The following CNST variants were observed in gnomAD, a reference collection of about 807,000 sequenced individuals.
CNST encodes the protein consortin.
CNST carries 39 observed loss-of-function variants against 72.4 expected under a neutral mutation model. The observed-to-expected ratio is 0.54, with a 90% CI of 0.42 to 0.70. CNST has a LOEUF of 0.70. Ranked by LOEUF, CNST falls within the 30% of genes least tolerant of loss-of-function variation. CNST has a pLI of 0.00. For synonymous variants in CNST, 332 were observed against 320.1 expected (o/e 1.04, Z -0.40); for missense variants, 871 against 868.5 (o/e 1.00, Z -0.04).
intron 3 of CNST, among the ~76,000 whole-genome samples, chr1:246,626,234 A>G (rs1330214127): frequency 6.6e-6 from 1 of 151,692 alleles, no homozygotes; most frequent in African/African-American, 2.4e-5. Flanking sequence ...ATTTTTTTGT[A>G]GAGACGGGGT....
intron 2 of CNST, among the ~76,000 whole-genome samples, chr1:246,609,314 G>A (rs1336018700): frequency 1.3e-5 from 2 of 152,208 alleles, no homozygotes; most frequent in African/African-American, 2.4e-5. Context: ...GGCAGCTCAC[G>A]CCTTTAATGC....
At chr1:246,635,961 G>A (rs1340260770) in intron 6 of CNST, among the ~76,000 whole-genome samples, 2 of 152,190 alleles carry the variant, frequency 1.3e-5, no homozygotes, top group Non-Finnish European at 2.9e-5. Flanking sequence ...TTGTGCATAG[G>A]AAGCTAGTGC....
chr1:246,621,586 T>C lies in CNST; in HGVS notation c.537T>C (p.Gly179=). The part of the protein sequence containing the change: ...VLQSLFSLIR[G]EVEQLDSRAL... ...AGTCTCTGTTTTCACTTATACGAGG[T>C]GAAGTTGAGCAGTTGGATTCAAGAG... Residue 179 remains glycine (G), a synonymous_variant, in exon 3 of 11, where the codon GGT becomes GGC. Transcript: ENST00000366513. 1 of 1,614,120 alleles carries C rather than the reference T, an allele frequency of 6.2e-7. No homozygotes were observed. The highest frequency in any genetic ancestry group is 8.5e-7 in the Non-Finnish European group (1 of 1,179,990).
At chr1:246,628,606 A>T (rs1184844152) in intron 3 of CNST, among the ~76,000 whole-genome samples, 1 of 152,172 alleles carries the variant, frequency 6.6e-6, no homozygotes, top group South Asian at 2.1e-4. Context: ...TGTTTAACTG[A>T]AGTCATATGC....
intron 9 of CNST, chr1:246,648,311 G>T: frequency 1.1e-6 from 1 of 899,414 alleles, no homozygotes; most frequent in Non-Finnish European, 1.4e-6. Context: ...TTATAGTCCT[G>T]ACTGTTATGT....
At chr1:246,625,842 C>G (rs1664393324) in intron 3 of CNST, among the ~76,000 whole-genome samples, 1 of 152,130 alleles carries the variant, frequency 6.6e-6, no homozygotes, top group Admixed American at 6.5e-5. Context: ...CACCACTCCC[C>G]CAAAATTGCA....
intron 1 of CNST, chr1:246,566,930 T>C (rs1225209225): frequency 3.0e-6 from 1 of 331,184 alleles, no homozygotes; most frequent in Non-Finnish European, 5.4e-6. Context: ...CAGAAGTCGT[T>C]CCTCACCCGG....
At chr1:246,587,087 A>G (rs1473494019) in intron 1 of CNST, among the ~76,000 whole-genome samples, 1 of 152,190 alleles carries the variant, frequency 6.6e-6, no homozygotes, top group Admixed American at 6.5e-5. Context: ...TAAGGATTAA[A>G]TTATATATAT....
At chr1:246,610,755 G>C (rs1663262290) in intron 2 of CNST, among the ~76,000 whole-genome samples, 1 of 152,004 alleles carries the variant, frequency 6.6e-6, no homozygotes, top group Non-Finnish European at 1.5e-5. Flanking sequence ...CTTGCACTAA[G>C]TTGATGGGTC....
intron 2 of CNST, among the ~76,000 whole-genome samples, chr1:246,592,681 A>G (rs1661619727): frequency 6.6e-6 from 1 of 152,180 alleles, no homozygotes; most frequent in South Asian, 2.1e-4. Flanking sequence ...TGCTACTGTG[A>G]CCTCTTTATA....
At chr1:246,582,987 T>C (rs1212293030) in intron 1 of CNST, among the ~76,000 whole-genome samples, 10 of 152,212 alleles carry the variant, frequency 6.6e-5, no homozygotes, top group Non-Finnish European at 1.5e-4. Flanking sequence ...TCCCTGACCC[T>C]GTTGTCCGCC....
chr1:246,666,055 A>G lies in CNST; in HGVS notation c.*150A>G, dbSNP rs1572266762. 3 of 606,238 alleles carry G rather than the reference A, an allele frequency of 4.9e-6. No homozygotes were observed. In the South Asian group the frequency reaches 6.1e-5, roughly 12 times the overall value. The allele number at this position is 606,238 out of a possible 1,614,324, so 37.6% of individuals were successfully genotyped here. On this transcript the variant is annotated 3_prime_UTR_variant, in exon 11 of 11. Transcript: ENST00000366513. ...ATAGCAACTTTAAGTGGCAAGCCGG[A>G]GGAACTCTGTTAGAATAATCCACAC...
At chr1:246,590,512 C>T (rs59561704) in intron 1 of CNST, among the ~76,000 whole-genome samples, 3,100 of 152,154 alleles carry the variant, frequency 0.02, 104 homozygotes, top group African/African-American at 0.071. Context: ...AAGTGGTGGT[C>T]TCCTTCCTTA....
intron 2 of CNST, among the ~76,000 whole-genome samples, chr1:246,609,037 A>C (rs1663121890): frequency 6.6e-6 from 1 of 152,218 alleles, no homozygotes; most frequent in African/African-American, 2.4e-5. Context: ...GAAGCCCTGC[A>C]TCACTCCCTC....
intron 1 of CNST, among the ~76,000 whole-genome samples, chr1:246,567,051 C>T (rs1423873508): frequency 1.4e-5 from 2 of 139,664 alleles, no homozygotes; most frequent in African/African-American, 2.6e-5. Context: ...CACACCTGGT[C>T]CCCCCCATCA....
At chr1:246,644,239 AT>A (rs1665898687) in intron 8 of CNST, among the ~76,000 whole-genome samples, 1 of 152,092 alleles carries the variant, frequency 6.6e-6, no homozygotes, top group South Asian at 2.1e-4. Context: ...ATACAAAAAA[AT>A]TAGCCGGGCG....
intron 1 of CNST, among the ~76,000 whole-genome samples, chr1:246,575,520 A>G (rs1023934787): frequency 1.3e-5 from 2 of 152,172 alleles, no homozygotes; most frequent in Non-Finnish European, 1.5e-5. Context: ...ATGTAAATCT[A>G]TAGAGACAGA....
intron 9 of CNST, among the ~76,000 whole-genome samples, chr1:246,653,003 CAAAAAAA>C (rs201486368): frequency 9.8e-6 from 1 of 101,592 alleles, no homozygotes; most frequent in Non-Finnish European, 2.1e-5. Context: ...GACTCTGTCT[CAAAAAAA>C]AAAAAAAAGA....
chr1:246,646,559 C>T (rs1057389458), intron 8 of CNST, among the ~76,000 whole-genome samples: 4 of 152,158 alleles, frequency 2.6e-5, no homozygotes, highest in Admixed American at 2.0e-4. Context: ...CAGGTAACCG[C>T]AGCCTCCGCC....
Sources: gnomAD v4.1 joint callset for allele counts (sites outside exome capture counted in the v4.1 genomes callset) on GRCh38, gnomAD v4.1.1 for gene constraint, MANE v1.5 for transcripts, NCBI Gene and HGNC (gene_info 2026-07-23, HGNC 2026-07-21) for gene names.